The following GCH1 variants were observed in gnomAD, a reference collection of about 807,000 sequenced individuals.
The protein encoded by GCH1 is GTP cyclohydrolase 1.
In GCH1, 5 loss-of-function variants were observed where a neutral mutation model predicts 25.9. The ratio of observed to expected loss-of-function variants is 0.19; its 90% CI spans 0.10 to 0.41. The LOEUF (loss-of-function observed/expected upper bound fraction) is 0.41, where lower values mean the gene tolerates loss of function less well. Ranked by LOEUF, GCH1 falls within the 10% of genes least tolerant of loss-of-function variation. The probability of loss-of-function intolerance (pLI) is 1.00; values close to 1 mark genes in which losing one functional copy is unlikely to be tolerated. For synonymous variants in GCH1, 159 were observed against 129.6 expected (o/e 1.23, Z -1.54); for missense variants, 261 against 336.5 (o/e 0.78, Z 1.75).
rs1369617067 is a variant in GCH1, at chr14:54,902,773, G to C, written c.-110C>G. On this transcript the variant is annotated 5_prime_UTR_variant, in exon 1 of 6. Transcript: ENST00000491895. ...ATGGGCTGTGGCCGGAGTCACCTGA[G>C]GAAGGTACGCAACCTGCTTAGATCA... 7.5e-7 allele frequency: 1 copy of C among 1,333,496 alleles called. No individual in the cohort carries two copies. The highest frequency in any genetic ancestry group is 1.5e-5 in the African/African-American group (1 of 64,886). The allele number at this position is 1,333,496 out of a possible 1,614,324, so 82.6% of individuals were successfully genotyped here. A position where few individuals can be genotyped will look rare whatever the true frequency, so the allele number is the denominator to read the frequency against.
intron 1 of GCH1, 51 bp from the exon 2 acceptor site, chr14:54,865,487 GA>G: frequency 1.2e-6 from 1 of 852,660 alleles, no homozygotes; most frequent in South Asian, 1.4e-5. Context: ...TAGAAAGGTA[GA>G]ATTATGGATA....
At chr14:54,854,644 G>A (rs2039781778) in intron 3 of GCH1, among the ~76,000 whole-genome samples, 1 of 152,198 alleles carries the variant, frequency 6.6e-6, no homozygotes, top group Non-Finnish European at 1.5e-5. Flanking sequence ...CACCTGACCT[G>A]ACTGCTTTAA....
intron 1 of GCH1, among the ~76,000 whole-genome samples, chr14:54,882,385 T>C (rs11158027): frequency 0.21 from 32,676 of 152,214 alleles, 4,900 homozygotes; most frequent in East Asian, 0.42. Context: ...GCCAATCATG[T>C]ATACTATTAA....
intron 1 of GCH1, chr14:54,878,009 T>A (rs2040188212): frequency 6.5e-6 from 1 of 152,890 alleles, no homozygotes; most frequent in Non-Finnish European, 1.5e-5. Context: ...TTTCATGTTT[T>A]GTGCTGCTAC....
At chr14:54,849,214 A>G (rs555397681) in intron 3 of GCH1, among the ~76,000 whole-genome samples, 3 of 152,362 alleles carry the variant, frequency 2.0e-5, no homozygotes, top group South Asian at 2.1e-4. Context: ...TATATGGTGA[A>G]CATGCTCTCT....
At chr14:54,888,679 A>ATTTTTTTT (rs58982226) in intron 1 of GCH1, among the ~76,000 whole-genome samples, 1 of 138,430 alleles carries the variant, frequency 7.2e-6, no homozygotes. Flanking sequence ...CGCCCGGCTA[A>ATTTTTTTT]TTTTTTTTTT....
intron 2 of GCH1, among the ~76,000 whole-genome samples, chr14:54,864,112 T>A (rs1288025389): frequency 6.6e-6 from 1 of 152,148 alleles, no homozygotes; most frequent in Non-Finnish European, 1.5e-5. Flanking sequence ...TCCACCTACC[T>A]CAGCCTTCCA....
intron 1 of GCH1, among the ~76,000 whole-genome samples, chr14:54,899,797 T>A (rs553631273): frequency 6.6e-6 from 1 of 151,910 alleles, no homozygotes; most frequent in East Asian, 1.9e-4. Context: ...CATTAAACAA[T>A]CACTACCCAT....
intron 2 of GCH1, 94 bp from the exon 3 acceptor site, chr14:54,859,830 T>C (rs2039868069): frequency 9.4e-6 from 7 of 743,666 alleles, no homozygotes; most frequent in East Asian, 2.6e-5. Flanking sequence ...TAGTACACTT[T>C]TATGTAATTT....
chr14:54,865,241 C>G, intron 2 of GCH1, 86 bp downstream of exon 2: 1 of 687,546 alleles, frequency 1.5e-6, no homozygotes, highest in Non-Finnish European at 2.6e-6. Context: ...CAGCAATTGG[C>G]AGCTAAAAAT....
chr14:54,894,320 G>A (rs1236267958), intron 1 of GCH1, among the ~76,000 whole-genome samples: 2 of 152,108 alleles, frequency 1.3e-5, no homozygotes, highest in Non-Finnish European at 1.5e-5. Flanking sequence ...GGCAGCGACT[G>A]GAGTGACGCA....
intron 1 of GCH1, among the ~76,000 whole-genome samples, chr14:54,869,488 CTT>C (rs2040038166): frequency 6.6e-6 from 1 of 152,004 alleles, no homozygotes; most frequent in Admixed American, 6.6e-5. Flanking sequence ...AAAATAAAAA[CTT>C]TCTTTTTGAA....
chr14:54,860,357 G>C (rs2039877053), intron 2 of GCH1, among the ~76,000 whole-genome samples: 1 of 152,048 alleles, frequency 6.6e-6, no homozygotes, highest in Non-Finnish European at 1.5e-5. Context: ...ATACAGGAAA[G>C]CCTCCTTTAA....
intron 1 of GCH1, among the ~76,000 whole-genome samples, chr14:54,876,346 G>A (rs1005883586): frequency 6.6e-6 from 1 of 152,096 alleles, no homozygotes; most frequent in African/African-American, 2.4e-5. Flanking sequence ...CTGTTGTGGG[G>A]TGCGGGGAGA....
chr14:54,885,341 C>A, intron 1 of GCH1: 1 of 257,316 alleles, frequency 3.9e-6, no homozygotes. Flanking sequence ...TCAAGATCCA[C>A]ATTGCTCTGG....
chr14:54,899,875 T>G (rs1436639842), intron 1 of GCH1, among the ~76,000 whole-genome samples: 2 of 152,044 alleles, frequency 1.3e-5, no homozygotes, highest in Non-Finnish European at 2.9e-5. Flanking sequence ...GGACTTTTTT[T>G]TTTTTTGAAA....
rs558076484 is a variant in GCH1, at chr14:54,873,438, G to C, written c.344-8002C>G. On this transcript the variant is annotated intron_variant, in intron 1 of 5. Coordinates refer to ENST00000491895, the MANE Select transcript of GCH1 (RefSeq NM_000161.3). ...CCTAACATCACAATTAAAAGAACTAGAGAAGCAAGAGCAAACATATTCAAA... is the reference window on the plus strand; with the variant it reads ...CCTAACATCACAATTAAAAGAACTACAGAAGCAAGAGCAAACATATTCAAA... Among the ~76,000 whole-genome samples, 137 of 152,266 alleles carry C rather than the reference G, an allele frequency of 9.0e-4. 1 individual carries two copies. The highest frequency in any genetic ancestry group is 2.8e-3 in the African/African-American group (118 of 41,550).
intron 1 of GCH1, among the ~76,000 whole-genome samples, chr14:54,887,454 A>G (rs1386593355): frequency 6.6e-6 from 1 of 152,212 alleles, no homozygotes; most frequent in Admixed American, 6.5e-5. Flanking sequence ...TCATAAAGGT[A>G]GAGTATCTTA....
chr14:54,859,356 C>G (rs913720815), intron 3 of GCH1: 1 of 344,052 alleles, frequency 2.9e-6, no homozygotes, highest in Non-Finnish European at 5.5e-6. Context: ...GTTAGCTAAA[C>G]CCCCCTTAAA....
Sources: allele counts gnomAD v4.1 joint callset (sites outside exome capture counted in the v4.1 genomes callset), GRCh38; gene constraint gnomAD v4.1.1; transcripts MANE v1.5; gene names NCBI Gene and HGNC (gene_info 2026-07-23, HGNC 2026-07-21).